Variants in MECOM observed in about 807,000 individuals in gnomAD.
MECOM encodes the protein histone-lysine N-methyltransferase MECOM.
In MECOM, 13 loss-of-function variants were observed where a neutral mutation model predicts 116.3. That is an observed-to-expected ratio of 0.11 (90% CI 0.07 to 0.18). MECOM has a LOEUF of 0.18. MECOM is among the 10% of genes least tolerant of loss of function. MECOM has a pLI of 1.00. For missense variants in MECOM, 1,299 were observed against 1,509.0 expected, an observed-to-expected ratio of 0.86 and a Z score of 2.31; for synonymous variants, 528 against 535.2, an observed-to-expected ratio of 0.99 and a Z score of 0.19.
intron 2 of MECOM, among the ~76,000 whole-genome samples, chr3:169,311,664 G>A (rs1189923308): frequency 6.8e-6 from 1 of 147,964 alleles, no homozygotes; most frequent in Non-Finnish European, 1.5e-5. Flanking sequence ...GAAAAAAAGT[G>A]TTTCTTTTAC....
chr3:169,353,474 A>T (rs1196852451), intron 2 of MECOM, among the ~76,000 whole-genome samples: 1 of 151,788 alleles, frequency 6.6e-6, no homozygotes, highest in Non-Finnish European at 1.5e-5. Context: ...GGAGGACAAT[A>T]AAAAAAGATC....
chr3:169,120,620 G>A (rs2293661), intron 7 of MECOM, among the ~76,000 whole-genome samples: 62,004 of 152,020 alleles, frequency 0.41, 15,272 homozygotes, highest in Non-Finnish European at 0.56. Flanking sequence ...ACACAGAGCC[G>A]TAAGCCTACT....
chr3:169,470,662 A>G (rs1407326883), intron 1 of MECOM, among the ~76,000 whole-genome samples: 1 of 152,214 alleles, frequency 6.6e-6, no homozygotes, highest in Non-Finnish European at 1.5e-5. Context: ...GGCATGTCAC[A>G]GTGCTTGATG....
At chr3:169,472,886 T>C (rs1288719876) in intron 1 of MECOM, 1 of 721,988 alleles carries the variant, frequency 1.4e-6, no homozygotes, top group Non-Finnish European at 1.7e-6. Context: ...CTTACTATTG[T>C]GGTAAGACAA....
intron 1 of MECOM, among the ~76,000 whole-genome samples, chr3:169,385,282 G>A (rs1733141168): frequency 6.6e-6 from 1 of 152,108 alleles, no homozygotes; most frequent in Admixed American, 6.6e-5. Context: ...CAGCTGCACA[G>A]AAGAATTTGA....
At chr3:169,295,369 A>G (rs754235797) in intron 2 of MECOM, among the ~76,000 whole-genome samples, 1 of 152,224 alleles carries the variant, frequency 6.6e-6, no homozygotes, top group Non-Finnish European at 1.5e-5. Flanking sequence ...CTAAATTTTT[A>G]AAAGGGTTGA....
chr3:169,663,355 C>G lies in MECOM; in HGVS notation c.18G>C (p.Arg6Ser). 6.2e-7 allele frequency: 1 copy of G among 1,610,638 alleles called. No homozygotes were observed. Among genetic ancestry groups the G allele is most frequent in the Non-Finnish European group, 8.5e-7 (1 of 1,178,528 alleles). Residue 6 changes from arginine to serine, a missense_variant, in exon 1 of 17, where the codon AGG (arginine) becomes AGC (serine). By Grantham distance (110) the Arg-to-Ser change is moderately radical (BLOSUM62 -1). Transcript: ENST00000651503. The stretch of plus-strand genomic sequence containing the variant: ...ACCTACTTGTGGCCAGTTTCCTTGC[C>G]CTGCCTTTGGATCTCATGCTGTGCC... MRSKG[R>S]ARKLATNNEC...
chr3:169,146,543 A>T, intron 2 of MECOM: 1 of 1,377,614 alleles, frequency 7.3e-7, no homozygotes, highest in South Asian at 1.1e-5. Context: ...GAACAAGGAA[A>T]TCGCCCGGCT....
At chr3:169,272,924 G>A (rs571640889) in intron 2 of MECOM, among the ~76,000 whole-genome samples, 34 of 152,286 alleles carry the variant, frequency 2.2e-4, no homozygotes, top group Admixed American at 6.5e-4. Context: ...GGGGAGGCAG[G>A]GAGGACTGCG....
At chr3:169,433,658 AAAG>A (rs1553851647) in intron 1 of MECOM, among the ~76,000 whole-genome samples, 1 of 135,284 alleles carries the variant, frequency 7.4e-6, no homozygotes, top group Admixed American at 1.0e-4. Context: ...AGAAAGAAAG[AAAG>A]AAAGAAAGAA....
At chr3:169,119,467 A>T (rs1031510978) in intron 7 of MECOM, among the ~76,000 whole-genome samples, 1 of 152,212 alleles carries the variant, frequency 6.6e-6, no homozygotes, top group Non-Finnish European at 1.5e-5. Context: ...ACCCTATGGC[A>T]CTTTAAAGTG....
intron 2 of MECOM, among the ~76,000 whole-genome samples, chr3:169,301,856 C>T (rs1716778819): frequency 1.3e-5 from 2 of 151,912 alleles, no homozygotes; most frequent in African/African-American, 2.4e-5. Flanking sequence ...ATACAGGATC[C>T]TTTTATGTCC....
chr3:169,467,747 A>T (rs1033512102), intron 1 of MECOM, among the ~76,000 whole-genome samples: 1 of 152,150 alleles, frequency 6.6e-6, no homozygotes, highest in Non-Finnish European at 1.5e-5. Flanking sequence ...AAGTCTAGTT[A>T]ATTTAGTTAA....
At chr3:169,642,990 G>C (rs1456383517) in intron 1 of MECOM, among the ~76,000 whole-genome samples, 1 of 152,144 alleles carries the variant, frequency 6.6e-6, no homozygotes, top group Non-Finnish European at 1.5e-5. Context: ...GTTCAAGAAA[G>C]GAATATCCCC....
chr3:169,568,628 C>T (rs563536469), intron 1 of MECOM, among the ~76,000 whole-genome samples: 7 of 152,274 alleles, frequency 4.6e-5, no homozygotes, highest in Middle Eastern at 6.8e-3. Context: ...CACTGCCCAC[C>T]GCAGCTCAGC....
chr3:169,221,852 T>C (rs1382588239), intron 2 of MECOM, among the ~76,000 whole-genome samples: 1 of 152,174 alleles, frequency 6.6e-6, no homozygotes, highest in Non-Finnish European at 1.5e-5. Context: ...ATTATGATGA[T>C]ACAAAGGTAA....
intron 1 of MECOM, among the ~76,000 whole-genome samples, chr3:169,448,650 A>G (rs2108651991): frequency 6.6e-6 from 1 of 152,258 alleles, no homozygotes; most frequent in Middle Eastern, 3.4e-3. Context: ...AGGAGTTTGC[A>G]TCCTGATTTC....
rs140938388 is a variant in MECOM at position 169,635,379 on chromosome 3, G to A, written c.37+27957C>T. 9.9e-4 allele frequency among the ~76,000 whole-genome samples: 151 copies of A among 152,150 alleles called. 1 individual carries two copies. The highest frequency in any genetic ancestry group is 3.4e-3 in the African/African-American group (142 of 41,504). On this transcript the variant is annotated intron_variant, in intron 1 of 16. Transcript: ENST00000651503. ...CATGGATCACTTCCCATTGCCTACC[G>A]AGGTAAATACACACACCCTGATGTA...
At chr3:169,389,792 A>G (rs1291354183) in intron 1 of MECOM, among the ~76,000 whole-genome samples, 2 of 152,234 alleles carry the variant, frequency 1.3e-5, no homozygotes, top group African/African-American at 4.8e-5. Context: ...TTGCACACAA[A>G]TGGGACATTC....
Sources: allele counts gnomAD v4.1 joint callset (sites outside exome capture counted in the v4.1 genomes callset), GRCh38; gene constraint gnomAD v4.1.1; transcripts MANE v1.5; gene names NCBI Gene and HGNC (gene_info 2026-07-23, HGNC 2026-07-21).